The following GALNT17 variants were observed in gnomAD, a reference collection of about 807,000 sequenced individuals.
GALNT17 encodes the protein polypeptide N-acetylgalactosaminyltransferase 17, also known as UDP-GalNAc:polypeptide N-acetylgalactosaminyltransferase-like 3.
GALNT17 carries 29 observed loss-of-function variants against 63.7 expected under a neutral mutation model. The ratio of observed to expected loss-of-function variants is 0.46; its 90% CI spans 0.34 to 0.62. GALNT17 has a LOEUF of 0.62. GALNT17 is among the 20% of genes least tolerant of loss of function. GALNT17 has a pLI of 0.01. For synonymous variants in GALNT17, 305 were observed against 318.3 expected (o/e 0.96, Z 0.45); for missense variants, 603 against 799.6 (o/e 0.75, Z 2.97).
intron 1 of GALNT17, among the ~76,000 whole-genome samples, chr7:71,239,302 C>A (rs1789951253): frequency 6.6e-6 from 1 of 150,970 alleles, no homozygotes; most frequent in South Asian, 2.1e-4. Flanking sequence ...TGTACCCCCC[C>A]CCAAAAAAAA....
chr7:71,373,977 A>G (rs1005140466), intron 2 of GALNT17, among the ~76,000 whole-genome samples: 1 of 152,172 alleles, frequency 6.6e-6, no homozygotes, highest in African/African-American at 2.4e-5. Flanking sequence ...ATTGTTACCT[A>G]TTCTTTCAGG....
chr7:71,608,383 C>G (rs1790076949), intron 6 of GALNT17, among the ~76,000 whole-genome samples: 1 of 152,054 alleles, frequency 6.6e-6, no homozygotes, highest in African/African-American at 2.4e-5. Flanking sequence ...AGGGACAGGA[C>G]TTGGGTTGGG....
intron 2 of GALNT17, among the ~76,000 whole-genome samples, chr7:71,374,186 T>C (rs532333396): frequency 1.3e-3 from 204 of 152,360 alleles, no homozygotes; most frequent in African/African-American, 4.8e-3. Flanking sequence ...GAATAATTCC[T>C]TCTTTTCAGA....
chr7:71,512,217 C>T (rs1788368601), intron 5 of GALNT17, among the ~76,000 whole-genome samples: 1 of 152,064 alleles, frequency 6.6e-6, no homozygotes, highest in African/African-American at 2.4e-5. Flanking sequence ...GTTACGCAGG[C>T]TGGTCTCAAA....
chr7:71,277,837 G>A (rs1790709624), intron 1 of GALNT17, among the ~76,000 whole-genome samples: 1 of 152,168 alleles, frequency 6.6e-6, no homozygotes, highest in South Asian at 2.1e-4. Flanking sequence ...TTATTGACAT[G>A]CCACTTTTGT....
intron 1 of GALNT17, among the ~76,000 whole-genome samples, chr7:71,235,252 G>GAAA (rs751761194): frequency 1.4e-5 from 2 of 138,616 alleles, no homozygotes; most frequent in South Asian, 2.3e-4. Context: ...CTCCATCTCG[G>GAAA]AAAAAAAAAA....
At chr7:71,670,880 C>CTGTGTGTGTG (rs142043206) in intron 8 of GALNT17, among the ~76,000 whole-genome samples, 1 of 84,480 alleles carries the variant, frequency 1.2e-5, no homozygotes, top group South Asian at 3.1e-4. Flanking sequence ...GGCCTCCGGA[C>CTGTGTGTGTG]TGTGTGTGTG....
At chr7:71,147,921 C>G (rs950972820) in intron 1 of GALNT17, among the ~76,000 whole-genome samples, 115 of 152,314 alleles carry the variant, frequency 7.6e-4, no homozygotes, top group African/African-American at 2.7e-3. Context: ...TGAGCCACTG[C>G]ACCAGGCCTC....
chr7:71,189,785 A>G (rs996185894), intron 1 of GALNT17, among the ~76,000 whole-genome samples: 2 of 151,012 alleles, frequency 1.3e-5, no homozygotes, highest in Non-Finnish European at 2.9e-5. Flanking sequence ...AACAAAGACT[A>G]TACATAAAAT....
Position 71,303,972 on chromosome 7 carries a change from C to A in GALNT17, c.239-31578C>A, listed in dbSNP as rs185747441. On this transcript the variant is annotated intron_variant, in intron 1 of 10. Transcript: ENST00000333538. ...GACTGCAAACAATCGGCTTTTCTTT[C>A]GCCCCAGGAGTCTCAAGGTGCACAC... Among the ~76,000 whole-genome samples, 24 of 152,256 alleles carry A rather than the reference C, an allele frequency of 1.6e-4. 1 individual carries two copies. The highest frequency in any genetic ancestry group is 5.8e-4 in the African/African-American group (24 of 41,554).
intron 6 of GALNT17, among the ~76,000 whole-genome samples, chr7:71,635,046 A>G (rs1449399415): frequency 6.6e-6 from 1 of 151,830 alleles, no homozygotes; most frequent in African/African-American, 2.4e-5. Context: ...GTCTCTACTA[A>G]AAGTACATAA....
intron 5 of GALNT17, among the ~76,000 whole-genome samples, chr7:71,468,495 C>T (rs1384659242): frequency 3.3e-5 from 5 of 152,142 alleles, no homozygotes; most frequent in African/African-American, 1.2e-4. Context: ...CGGATCACTG[C>T]AGCCTCCATC....
intron 1 of GALNT17, among the ~76,000 whole-genome samples, chr7:71,175,996 A>T (rs1346381745): frequency 6.6e-6 from 1 of 152,122 alleles, no homozygotes; most frequent in Non-Finnish European, 1.5e-5. Context: ...TATCACTTGT[A>T]ATGGCTCAAA....
intron 5 of GALNT17, among the ~76,000 whole-genome samples, chr7:71,568,184 C>T (rs933553225): frequency 6.6e-6 from 1 of 152,124 alleles, no homozygotes; most frequent in South Asian, 2.1e-4. Flanking sequence ...TTTTCTAAAG[C>T]GTGCAGTAAA....
chr7:71,711,181 A>AG (rs942967355), intron 10 of GALNT17, among the ~76,000 whole-genome samples: 1 of 152,034 alleles, frequency 6.6e-6, no homozygotes, highest in Non-Finnish European at 1.5e-5. Context: ...GATAGGAGTG[A>AG]GGGGGGACTT....
At chr7:71,556,832 C>T (rs1216705984) in intron 5 of GALNT17, among the ~76,000 whole-genome samples, 1 of 152,170 alleles carries the variant, frequency 6.6e-6, no homozygotes, top group African/African-American at 2.4e-5. Context: ...TCCCAAAGTG[C>T]TGGGATTACA....
chr7:71,630,614 C>A (rs1790441421), intron 6 of GALNT17, among the ~76,000 whole-genome samples: 1 of 152,186 alleles, frequency 6.6e-6, no homozygotes, highest in South Asian at 2.1e-4. Context: ...ATGTAAAAAT[C>A]AGCCAGCAAA....
intron 9 of GALNT17, among the ~76,000 whole-genome samples, chr7:71,697,788 T>C (rs549556117): frequency 1.3e-5 from 2 of 152,278 alleles, no homozygotes; most frequent in African/African-American, 4.8e-5. Context: ...AGATAAACTA[T>C]AACAAATATT....
chr7:71,471,378 G>A (rs1466233032), intron 5 of GALNT17, among the ~76,000 whole-genome samples: 1 of 139,482 alleles, frequency 7.2e-6, no homozygotes, highest in Non-Finnish European at 1.5e-5. Flanking sequence ...GGACCTGGCT[G>A]AGCTCAGCAT....
Sources: allele counts gnomAD v4.1 joint callset (sites outside exome capture counted in the v4.1 genomes callset), GRCh38; gene constraint gnomAD v4.1.1; transcripts MANE v1.5; gene names NCBI Gene and HGNC (gene_info 2026-07-23, HGNC 2026-07-21).